The following AGBL4 variants were observed in gnomAD, a reference collection of about 807,000 sequenced individuals.
AGBL4 encodes the protein cytosolic carboxypeptidase 6.
AGBL4 carries 58 observed loss-of-function variants against 66.4 expected under a neutral mutation model. The ratio of observed to expected loss-of-function variants is 0.87; its 90% confidence interval spans 0.71 to 1.09. The LOEUF (loss-of-function observed/expected upper bound fraction) is 1.09. AGBL4 is among the 50% of genes least tolerant of loss of function. The probability of loss-of-function intolerance (pLI) is 0.00; values close to 1 mark genes in which losing one functional copy is unlikely to be tolerated. For synonymous variants in AGBL4, 234 were observed against 222.9 expected (o/e 1.05, Z -0.44); for missense variants, 579 against 631.0 (o/e 0.92, Z 0.88).
chr1:49,934,086 C>T (rs185724068), intron 1 of AGBL4, among the ~76,000 whole-genome samples: 276 of 152,088 alleles, frequency 1.8e-3, no homozygotes, highest in Middle Eastern at 3.4e-3. Context: ...GACAAGGAAA[C>T]ACATACAACT....
At chr1:49,312,003 G>T (rs1644949295) in intron 3 of AGBL4, among the ~76,000 whole-genome samples, 1 of 151,986 alleles carries the variant, frequency 6.6e-6, no homozygotes, top group African/African-American at 2.4e-5. Context: ...TTATGGATTT[G>T]AAAATTTAAA....
intron 3 of AGBL4, among the ~76,000 whole-genome samples, chr1:49,475,949 T>C (rs982055317): frequency 8.5e-5 from 13 of 152,106 alleles, no homozygotes; most frequent in Non-Finnish European, 1.5e-4. Flanking sequence ...TGGTTTCAGT[T>C]ATTTCATTTC....
At chr1:48,765,797 A>C (rs1371708330) in intron 6 of AGBL4, among the ~76,000 whole-genome samples, 4 of 152,222 alleles carry the variant, frequency 2.6e-5, no homozygotes, top group Non-Finnish European at 5.9e-5. Context: ...TATTATGGAA[A>C]GTAAAAGAAG....
chr1:49,417,305 A>G (rs993340838), intron 3 of AGBL4, among the ~76,000 whole-genome samples: 4 of 152,194 alleles, frequency 2.6e-5, no homozygotes, highest in African/African-American at 9.6e-5. Context: ...CGATCAGAAA[A>G]GAGAAGGAGA....
At chr1:48,734,372 T>C (rs1648672084) in intron 6 of AGBL4, among the ~76,000 whole-genome samples, 1 of 152,168 alleles carries the variant, frequency 6.6e-6, no homozygotes, top group South Asian at 2.1e-4. Context: ...GGCATATTTC[T>C]CCACCTCCAC....
At chr1:49,003,065 G>A (rs1314263401) in intron 5 of AGBL4, among the ~76,000 whole-genome samples, 7 of 152,124 alleles carry the variant, frequency 4.6e-5, no homozygotes, top group Non-Finnish European at 8.8e-5. Flanking sequence ...AGCAAGTGAA[G>A]AAAAATCCCA....
intron 5 of AGBL4, among the ~76,000 whole-genome samples, chr1:49,033,478 C>A (rs1664393177): frequency 6.6e-6 from 1 of 152,114 alleles, no homozygotes; most frequent in South Asian, 2.1e-4. Flanking sequence ...ACAGAAAGAA[C>A]AGAAGGAGAC....
chr1:49,884,155 C>A (rs1365787519), intron 1 of AGBL4, among the ~76,000 whole-genome samples: 1 of 151,906 alleles, frequency 6.6e-6, no homozygotes, highest in Non-Finnish European at 1.5e-5. Flanking sequence ...GCAAAGGCAG[C>A]ATGAATTACT....
chr1:49,649,835 A>G (rs1408859588), intron 3 of AGBL4, among the ~76,000 whole-genome samples: 1 of 152,126 alleles, frequency 6.6e-6, no homozygotes, highest in Non-Finnish European at 1.5e-5. Context: ...TAAGTAACAA[A>G]AAGTTACCCA....
At chr1:49,272,510 A>G (rs1360715269) in intron 3 of AGBL4, among the ~76,000 whole-genome samples, 1 of 152,162 alleles carries the variant, frequency 6.6e-6, no homozygotes, top group Non-Finnish European at 1.5e-5. Context: ...TAGTCTTCTT[A>G]TGTCTAACAC....
chr1:48,611,322 T>A (rs892096407), intron 9 of AGBL4, among the ~76,000 whole-genome samples: 1 of 152,090 alleles, frequency 6.6e-6, no homozygotes, highest in Non-Finnish European at 1.5e-5. Context: ...AAAGAGTAAG[T>A]GGAGGGAGAA....
intron 5 of AGBL4, among the ~76,000 whole-genome samples, chr1:48,986,963 A>G (rs1306863744): frequency 2.0e-5 from 3 of 152,038 alleles, no homozygotes; most frequent in African/African-American, 4.8e-5. Flanking sequence ...TACAAAAATA[A>G]TGGAAGTAGT....
chr1:50,012,112 T>C (rs1401072473), intron 1 of AGBL4, among the ~76,000 whole-genome samples: 1 of 150,314 alleles, frequency 6.7e-6, no homozygotes, highest in African/African-American at 2.5e-5. Flanking sequence ...TGAGCGGAGA[T>C]TGCGCCACTG....
intron 1 of AGBL4, among the ~76,000 whole-genome samples, chr1:49,870,868 T>C (rs969300758): frequency 8.6e-5 from 13 of 152,026 alleles, no homozygotes; most frequent in African/African-American, 2.7e-4. Flanking sequence ...TGTGGAGAAA[T>C]TGAAATATTG....
At chr1:49,561,349 T>A (rs538420172) in intron 3 of AGBL4, among the ~76,000 whole-genome samples, 1 of 151,900 alleles carries the variant, frequency 6.6e-6, no homozygotes, top group Admixed American at 6.6e-5. Context: ...TTAGGGTACA[T>A]GTGCACAACA....
intron 1 of AGBL4, among the ~76,000 whole-genome samples, chr1:49,984,101 C>T (rs1407053415): frequency 6.6e-6 from 1 of 152,200 alleles, no homozygotes; most frequent in Non-Finnish European, 1.5e-5. Flanking sequence ...TCAGGCACTC[C>T]TATACTTAAC....
At chr1:49,618,950 G>T (rs763671825) in intron 3 of AGBL4, among the ~76,000 whole-genome samples, 5 of 152,038 alleles carry the variant, frequency 3.3e-5, no homozygotes, top group Non-Finnish European at 7.4e-5. Flanking sequence ...AATAAACTAG[G>T]TATTGATGGA....
At chr1:49,137,327 G>A (rs1215714114) in intron 4 of AGBL4, among the ~76,000 whole-genome samples, 1 of 152,030 alleles carries the variant, frequency 6.6e-6, no homozygotes, top group Non-Finnish European at 1.5e-5. Context: ...GATTGTATAC[G>A]AAAATAAAAT....
chr1:49,591,094 C>T (rs779020233), intron 3 of AGBL4, among the ~76,000 whole-genome samples: 37 of 152,010 alleles, frequency 2.4e-4, no homozygotes, highest in Non-Finnish European at 4.1e-4. Flanking sequence ...ATACCTTAAG[C>T]TTCTGCCTTA....
Sources: allele counts gnomAD v4.1 joint callset (sites outside exome capture counted in the v4.1 genomes callset), GRCh38; gene constraint gnomAD v4.1.1; transcripts MANE v1.5; gene names NCBI Gene and HGNC (gene_info 2026-07-23, HGNC 2026-07-21).